The following TENM2 variants were observed in gnomAD, a reference collection of about 807,000 sequenced individuals.
TENM2 encodes the protein teneurin transmembrane protein 2, also known as teneurin-2.
In TENM2, 52 loss-of-function variants were observed where a neutral mutation model predicts 245.2. That is an observed-to-expected ratio of 0.21 (90% CI 0.17 to 0.27). The LOEUF is 0.27. Among genes scored for constraint, TENM2 ranks in the 10% least tolerant of loss-of-function variants. TENM2 has a pLI of 1.00. For missense variants in TENM2, 3,046 were observed against 3,666.8 expected, an observed-to-expected ratio of 0.83 and a Z score of 4.37; for synonymous variants, 1,363 against 1,438.9, an observed-to-expected ratio of 0.95 and a Z score of 1.19.
intron 2 of TENM2, among the ~76,000 whole-genome samples, chr5:167,807,313 G>A (rs1051158691): frequency 2.0e-5 from 3 of 151,876 alleles, no homozygotes; most frequent in African/African-American, 4.8e-5. Context: ...TTGTGTTCAT[G>A]GACCCATCCC....
Position 167,332,539 on chromosome 5 carries a change from T to A in TENM2, c.227-42659T>A, listed in dbSNP as rs1209256028. Among the ~76,000 whole-genome samples, 3 of 152,278 alleles carry A rather than the reference T, an allele frequency of 2.0e-5. No individual in the cohort carries two copies. In the East Asian group the frequency reaches 5.8e-4, roughly 29 times the overall value. On this transcript the variant is annotated intron_variant, in intron 1 of 28. Transcript: ENST00000518659. Reference sequence around the variant, plus strand: ...GTGTTGCAGGGGAAGGGTCGGAAGATGCAAATTCATGTTTGTTTGGCAGTG... The same window carrying A: ...GTGTTGCAGGGGAAGGGTCGGAAGAAGCAAATTCATGTTTGTTTGGCAGTG...
chr5:167,821,520 G>A (rs1054485082), intron 2 of TENM2, among the ~76,000 whole-genome samples: 7 of 152,140 alleles, frequency 4.6e-5, no homozygotes, highest in African/African-American at 1.7e-4. Flanking sequence ...ATTATGGGAT[G>A]TCCTTTAGAA....
the TENM2 span, among the ~76,000 whole-genome samples, chr5:167,212,145 C>T: frequency 6.6e-6 from 1 of 152,078 alleles, no homozygotes; most frequent in African/African-American, 2.4e-5. Flanking sequence ...GCCAGGAGAC[C>T]ATATTTGAAA....
intron 9 of TENM2, among the ~76,000 whole-genome samples, chr5:168,110,086 A>T (rs1794564277): frequency 6.9e-6 from 1 of 145,196 alleles, no homozygotes; most frequent in Non-Finnish European, 1.5e-5. Flanking sequence ...GATAAGTAGC[A>T]GAGCAGCCCT....
rs1764613841 is a variant in TENM2 at position 168,229,374 on chromosome 5, T to TGTCA, written c.5520+1245_5520+1248dup. Among the ~76,000 whole-genome samples, 3 of 152,146 alleles carry TGTCA rather than the reference T, an allele frequency of 2.0e-5. 1 individual carries two copies. In the South Asian group the frequency reaches 6.2e-4, roughly 32 times the overall value. On this transcript the variant is annotated intron_variant, in intron 25 of 28. Transcript: ENST00000518659. ...GTGGATTCTGCTCCAGTCACTTATC[T>TGTCA]GTCACCAAGAGGGAACAGTTCCTAC...
chr5:167,403,936 C>T (rs1239433513), intron 2 of TENM2, among the ~76,000 whole-genome samples: 2 of 151,058 alleles, frequency 1.3e-5, no homozygotes, highest in Non-Finnish European at 2.9e-5. Flanking sequence ...TTTCTTATCA[C>T]CAAAAGATTT....
chr5:167,859,444 C>T (rs1771477237), intron 2 of TENM2, among the ~76,000 whole-genome samples: 1 of 136,770 alleles, frequency 7.3e-6, no homozygotes, highest in Admixed American at 7.0e-5. Context: ...CTCTGCCCGG[C>T]CGCCCCTACT....
chr5:167,455,783 C>G (rs186804995), intron 2 of TENM2, among the ~76,000 whole-genome samples: 200 of 152,216 alleles, frequency 1.3e-3, no homozygotes, highest in Admixed American at 3.8e-3. Context: ...AGTTTTCAAG[C>G]TTGTTTGTAT....
intron 2 of TENM2, among the ~76,000 whole-genome samples, chr5:167,533,884 G>T (rs1034958246): frequency 6.6e-6 from 1 of 152,170 alleles, no homozygotes; most frequent in Non-Finnish European, 1.5e-5. Flanking sequence ...CATGGTATTG[G>T]AGTCCAACAT....
chr5:167,415,515 A>T (rs1354416730), intron 2 of TENM2, among the ~76,000 whole-genome samples: 1 of 152,104 alleles, frequency 6.6e-6, no homozygotes, highest in Non-Finnish European at 1.5e-5. Flanking sequence ...TTAATTGTCC[A>T]TTCTTGAATG....
intron 12 of TENM2, among the ~76,000 whole-genome samples, chr5:168,138,302 C>T (rs1452403524): frequency 6.6e-6 from 1 of 152,170 alleles, no homozygotes; most frequent in Non-Finnish European, 1.5e-5. Context: ...TACCTACGAC[C>T]TACTGTATTG....
At chr5:168,236,696 G>C (rs1248404196) in intron 25 of TENM2, among the ~76,000 whole-genome samples, 1 of 151,532 alleles carries the variant, frequency 6.6e-6, no homozygotes, top group Non-Finnish European at 1.5e-5. Context: ...GCCCCTCTAG[G>C]GCAGGGGTCA....
chr5:167,763,851 T>A (rs1762831230), intron 2 of TENM2, among the ~76,000 whole-genome samples: 1 of 151,534 alleles, frequency 6.6e-6, no homozygotes, highest in Non-Finnish European at 1.5e-5. Context: ...CAGTGAGCAT[T>A]TTTTTTTTCC....
At chr5:168,156,988 A>G (rs1757246432) in intron 12 of TENM2, among the ~76,000 whole-genome samples, 1 of 152,150 alleles carries the variant, frequency 6.6e-6, no homozygotes, top group Non-Finnish European at 1.5e-5. Context: ...TTATTATGAC[A>G]CTTTTCCAGC....
At chr5:166,992,973 A>G in the TENM2 span, among the ~76,000 whole-genome samples, 1 of 152,048 alleles carries the variant, frequency 6.6e-6, no homozygotes, top group Non-Finnish European at 1.5e-5. Flanking sequence ...GCATTGCCAG[A>G]TTATTCTGTG....
At chr5:167,097,112 G>A in the TENM2 span, among the ~76,000 whole-genome samples, 2 of 152,260 alleles carry the variant, frequency 1.3e-5, no homozygotes, top group East Asian at 3.9e-4. Flanking sequence ...GCCCGAGAGA[G>A]TCAAACGCTC....
At chr5:167,227,520 C>G in the TENM2 span, among the ~76,000 whole-genome samples, 5 of 152,190 alleles carry the variant, frequency 3.3e-5, no homozygotes, top group East Asian at 9.7e-4. Context: ...ATGAGGGATA[C>G]TTTTGCTGGA....
chr5:167,118,180 T>C, the TENM2 span, among the ~76,000 whole-genome samples: 1 of 152,232 alleles, frequency 6.6e-6, no homozygotes, highest in Non-Finnish European at 1.5e-5. Context: ...ATACATTTTA[T>C]TGCATGAAAA....
chr5:167,186,516 G>T, the TENM2 span, among the ~76,000 whole-genome samples: 1 of 152,178 alleles, frequency 6.6e-6, no homozygotes, highest in African/African-American at 2.4e-5. Context: ...TGTGAAAATG[G>T]GTCGGAATTA....
Sources: allele counts gnomAD v4.1 joint callset (sites outside exome capture counted in the v4.1 genomes callset), GRCh38; gene constraint gnomAD v4.1.1; transcripts MANE v1.5; gene names NCBI Gene and HGNC (gene_info 2026-07-23, HGNC 2026-07-21).